RASGRP1: variants seen among roughly 807,000 people sequenced by gnomAD.
RASGRP1 encodes the protein RAS guanyl-releasing protein 1.
Under a neutral mutation model 95.1 loss-of-function variants are expected in RASGRP1, and 37 were observed. The observed-to-expected ratio is 0.39, with a 90% CI of 0.30 to 0.51. The LOEUF (loss-of-function observed/expected upper bound fraction) is 0.51, where lower values mean the gene tolerates loss of function less well. Ranked by LOEUF, RASGRP1 falls within the 20% of genes least tolerant of loss-of-function variation. The pLI is 0.80. For synonymous variants in RASGRP1, 325 were observed against 353.4 expected (o/e 0.92, Z 0.90); for missense variants, 711 against 965.4 (o/e 0.74, Z 3.49).
intron 1 of RASGRP1, chr15:38,560,393 T>A (rs1893755337): frequency 3.8e-6 from 1 of 260,736 alleles, no homozygotes; most frequent in African/African-American, 2.2e-5. Context: ...TTTCTTTGGC[T>A]AACTTTGGCA....
rs536310886 is a variant in RASGRP1 at position 38,518,288 on chromosome 15, T to G, written c.521+4A>C. 6.2e-7 allele frequency: 1 copy of G among 1,608,976 alleles called. No homozygotes were observed. Among genetic ancestry groups the G allele is most frequent in the East Asian group, 2.2e-5 (1 of 44,642 alleles). ...GAAAGATGAGTCAAGACCTTGACAC[T>G]CACATTTGAGTTGTGTCAATCAGGC... On this transcript the variant is annotated splice_donor_region_variant and intron_variant, in intron 5 of 16. Coordinates refer to ENST00000310803, the MANE Select transcript of RASGRP1 (RefSeq NM_005739.4).
chr15:38,516,794 G>A (rs759247370), intron 5 of RASGRP1, among the ~76,000 whole-genome samples: 5 of 152,040 alleles, frequency 3.3e-5, no homozygotes, highest in Non-Finnish European at 7.4e-5. Context: ...ATGCCAGAAA[G>A]AGAGCTCAAA....
At chr15:38,500,678 G>A (rs985788748) in intron 13 of RASGRP1, among the ~76,000 whole-genome samples, 1 of 152,070 alleles carries the variant, frequency 6.6e-6, no homozygotes, top group Non-Finnish European at 1.5e-5. Flanking sequence ...AGACATTCTC[G>A]AGAAATGGAT....
chr15:38,501,063 A>G (rs1414818374), intron 13 of RASGRP1, 80 bp downstream of exon 13: 1 of 1,444,396 alleles, frequency 6.9e-7, no homozygotes, highest in African/African-American at 1.4e-5. Context: ...GTTCATAAGG[A>G]TTGTGAGGTC....
chr15:38,528,633 A>G (rs1046837425), intron 2 of RASGRP1, among the ~76,000 whole-genome samples: 1 of 152,138 alleles, frequency 6.6e-6, no homozygotes, highest in Non-Finnish European at 1.5e-5. Context: ...AAATGTCAGC[A>G]TGCTCTGTGG....
At chr15:38,512,991 C>A in intron 6 of RASGRP1, 35 bp from the exon 7 acceptor site, 1 of 1,465,840 alleles carries the variant, frequency 6.8e-7, no homozygotes, top group South Asian at 1.4e-5. Flanking sequence ...CAAAAAAAAC[C>A]TATCAGTACT....
intron 2 of RASGRP1, among the ~76,000 whole-genome samples, chr15:38,543,634 T>A (rs1294358705): frequency 7.0e-6 from 1 of 142,916 alleles, no homozygotes; most frequent in Non-Finnish European, 1.5e-5. Context: ...TGACCTTTCT[T>A]TTTTTCTTTT....
At chr15:38,524,108 G>A (rs770536109) in intron 3 of RASGRP1, 1 of 152,256 alleles carries the variant, frequency 6.6e-6, no homozygotes, top group Non-Finnish European at 1.5e-5. Context: ...TTAGATGGCT[G>A]GGTGCCGTGG....
chr15:38,527,569 G>A (rs942169238), intron 2 of RASGRP1, among the ~76,000 whole-genome samples: 2 of 152,068 alleles, frequency 1.3e-5, no homozygotes, highest in Non-Finnish European at 1.5e-5. Flanking sequence ...TCATTTATAC[G>A]AACTGAATTC....
At chr15:38,502,900 C>A in intron 11 of RASGRP1, 1 of 272,052 alleles carries the variant, frequency 3.7e-6, no homozygotes. Context: ...AATATATACC[C>A]CTTCCTCAGC....
At chr15:38,564,506 T>C in intron 1 of RASGRP1, 88 bp downstream of exon 1, 1 of 1,165,364 alleles carries the variant, frequency 8.6e-7, no homozygotes, top group South Asian at 3.4e-5. Context: ...GCCCTCAACT[T>C]CCCTCGGGGT....
In RASGRP1 at chr15:38,494,653, C is replaced by G. The variant is rs144303289; in HGVS notation, c.1988G>C (p.Arg663Pro). 2.8e-5 allele frequency: 43 copies of G among 1,548,822 alleles called. No individual in the cohort carries two copies. In the African/African-American group the frequency reaches 4.8e-4, roughly 17 times the overall value. ...MGVSSQKISLRLKRAVAHKAT... is the reference protein window; with the variant it reads ...MGVSSQKISLPLKRAVAHKAT... The stretch of plus-strand genomic sequence containing the variant: ...CTTGTGGGCAACAGCCCTCTTCAGC[C>G]GAAGAGAAATCTTCTGTGAGGACAC... The change falls in exon 16 of 17, where the codon CGG (arginine) becomes CCG (proline). Residue 663 changes from arginine (R) to proline (P), a missense_variant. Physicochemically the swap from Arg to Pro is moderately radical, Grantham distance 103. Coordinates refer to ENST00000310803, the MANE Select transcript of RASGRP1 (RefSeq NM_005739.4).
chr15:38,531,334 C>G (rs1279610451), intron 2 of RASGRP1, among the ~76,000 whole-genome samples: 5 of 152,170 alleles, frequency 3.3e-5, no homozygotes, highest in Admixed American at 3.3e-4. Flanking sequence ...CACCATTCGT[C>G]AGGATAAGGA....
intron 2 of RASGRP1, among the ~76,000 whole-genome samples, chr15:38,557,824 A>AT (rs2141196397): frequency 6.6e-6 from 1 of 152,190 alleles, no homozygotes; most frequent in Non-Finnish European, 1.5e-5. Flanking sequence ...CAGCTTTGGG[A>AT]TTTTAAGCCA....
chr15:38,544,630 T>C (rs1000794959), intron 2 of RASGRP1, among the ~76,000 whole-genome samples: 3 of 152,230 alleles, frequency 2.0e-5, no homozygotes, highest in Non-Finnish European at 4.4e-5. Flanking sequence ...CATAACAAGA[T>C]GTGGTCCCTT....
intron 2 of RASGRP1, among the ~76,000 whole-genome samples, chr15:38,540,940 G>A (rs981319080): frequency 6.6e-6 from 1 of 152,182 alleles, no homozygotes; most frequent in African/African-American, 2.4e-5. Flanking sequence ...GGACCTAACA[G>A]GCTGATTCCA....
chr15:38,541,160 A>G (rs929006642), intron 2 of RASGRP1, among the ~76,000 whole-genome samples: 3 of 152,200 alleles, frequency 2.0e-5, no homozygotes, highest in Admixed American at 6.5e-5. Context: ...TTTCACATGC[A>G]TTATCTCATT....
chr15:38,551,505 A>G (rs1291186773), intron 2 of RASGRP1, among the ~76,000 whole-genome samples: 1 of 152,214 alleles, frequency 6.6e-6, no homozygotes, highest in East Asian at 1.9e-4. Context: ...TTGATCATCC[A>G]CGACAATGTA....
rs539351350 is a variant in RASGRP1 at position 38,518,224 on chromosome 15, C to A, written c.521+68G>T. On this transcript the variant is annotated intron_variant, in intron 5 of 16. Transcript: ENST00000310803. ...TCACCGCTGGGGGTCAGAAGCCCAA[C>A]AAGCAACTGGGATTATATTACAGGA... 6.8e-5 allele frequency: 102 copies of A among 1,509,084 alleles called. No individual in the cohort carries two copies. In the East Asian group the frequency reaches 2.2e-3, roughly 33 times the overall value. 93.5% of individuals were successfully genotyped at this position (1,509,084 alleles called of 1,614,324 possible). A position where few individuals can be genotyped will look rare whatever the true frequency, so the allele number is the denominator to read the frequency against.
Sources: allele counts gnomAD v4.1 joint callset (sites outside exome capture counted in the v4.1 genomes callset), GRCh38; gene constraint gnomAD v4.1.1; transcripts MANE v1.5; gene names NCBI Gene and HGNC (gene_info 2026-07-23, HGNC 2026-07-21).